SLC9A9: variants seen among roughly 807,000 people sequenced by gnomAD.
The protein encoded by SLC9A9 is solute carrier family 9 member A9.
In SLC9A9, 62 loss-of-function variants were observed where a neutral mutation model predicts 77.8. The ratio of observed to expected loss-of-function variants is 0.80; its 90% CI spans 0.65 to 0.98. The LOEUF is 0.98. Ranked by LOEUF, SLC9A9 falls within the 50% of genes least tolerant of loss-of-function variation. SLC9A9 has a pLI of 0.00. For missense variants in SLC9A9, 775 were observed against 774.9 expected, an observed-to-expected ratio of 1.00 and a Z score of 0.00; for synonymous variants, 320 against 283.5, an observed-to-expected ratio of 1.13 and a Z score of -1.29.
rs145542634 is a variant in SLC9A9, at chr3:143,334,569, G to A, written c.1604+28915C>T. ...GCCTCAGTGTTCTCTTCTGTAAAAC[G>A]GGCTTAGTAGCAACCCTTACCTCAT... On this transcript the variant is annotated intron_variant, in intron 14 of 15. Transcript: ENST00000316549. Among the ~76,000 whole-genome samples the A allele has an allele frequency of 1.4e-3, 211 of 152,218 alleles. 1 individual carries two copies. Among genetic ancestry groups the A allele is most frequent in the African/African-American group, 4.7e-3 (194 of 41,514 alleles).
At chr3:143,723,114 A>T (rs1934546623) in intron 4 of SLC9A9, among the ~76,000 whole-genome samples, 1 of 152,204 alleles carries the variant, frequency 6.6e-6, no homozygotes, top group African/African-American at 2.4e-5. Flanking sequence ...ACCCCTACAG[A>T]TAAGTAAACC....
intron 8 of SLC9A9, among the ~76,000 whole-genome samples, chr3:143,558,907 A>C (rs1349059220): frequency 6.6e-6 from 1 of 152,090 alleles, no homozygotes; most frequent in Non-Finnish European, 1.5e-5. Flanking sequence ...ACCCAAATCT[A>C]ATCTTGACTT....
At chr3:143,725,539 T>C (rs984011564) in intron 4 of SLC9A9, among the ~76,000 whole-genome samples, 5 of 149,256 alleles carry the variant, frequency 3.3e-5, no homozygotes, top group Non-Finnish European at 7.4e-5. Flanking sequence ...ATATACACCA[T>C]GGAATACTAT....
chr3:143,749,691 G>T lies in SLC9A9; in HGVS notation c.533+45310C>A, dbSNP rs560554613. On this transcript the variant is annotated intron_variant, in intron 4 of 15. Transcript: ENST00000316549. The stretch of plus-strand genomic sequence containing the variant: ...TTTAGTTGATTTCCAGGACGAAGTG[G>T]TTCAATAGTTGTTCTGCTTCTTACA... 2.3e-4 allele frequency among the ~76,000 whole-genome samples: 35 copies of T among 152,310 alleles called. No individual in the cohort carries two copies. In the South Asian group the frequency reaches 7.3e-3, roughly 32 times the overall value.
intron 6 of SLC9A9, among the ~76,000 whole-genome samples, chr3:143,587,726 T>C (rs1179313279): frequency 1.3e-5 from 2 of 152,064 alleles, no homozygotes; most frequent in African/African-American, 2.4e-5. Flanking sequence ...TTAGTTACAG[T>C]GGAGGAAGGT....
intron 2 of SLC9A9, among the ~76,000 whole-genome samples, chr3:143,801,426 G>T (rs905383354): frequency 6.6e-6 from 1 of 152,100 alleles, no homozygotes; most frequent in Non-Finnish European, 1.5e-5. Context: ...CACACTTGAT[G>T]CATATACTTT....
intron 4 of SLC9A9, among the ~76,000 whole-genome samples, chr3:143,728,521 G>A (rs1190566822): frequency 6.6e-6 from 1 of 152,138 alleles, no homozygotes; most frequent in Non-Finnish European, 1.5e-5. Flanking sequence ...GCAGTGCCTT[G>A]CCAGTGGTGG....
chr3:143,669,723 C>T (rs572010855), intron 5 of SLC9A9, among the ~76,000 whole-genome samples: 11 of 152,194 alleles, frequency 7.2e-5, no homozygotes, highest in African/African-American at 2.6e-4. Flanking sequence ...CTGATCAGAC[C>T]CCAGCTGTTA....
At chr3:143,521,660 C>T (rs1477790924) in intron 9 of SLC9A9, among the ~76,000 whole-genome samples, 1 of 151,892 alleles carries the variant, frequency 6.6e-6, no homozygotes, top group South Asian at 2.1e-4. Context: ...TCTTATGTCT[C>T]CTCTGTGTAG....
chr3:143,728,409 C>A (rs149714014), intron 4 of SLC9A9, among the ~76,000 whole-genome samples: 1 of 152,076 alleles, frequency 6.6e-6, no homozygotes, highest in Non-Finnish European at 1.5e-5. Context: ...TGGATGGACA[C>A]AGGCCTTGAG....
In SLC9A9 at chr3:143,530,653, CA is replaced by C. The variant is rs376511036; in HGVS notation, c.1089+21708del. On this transcript the variant is annotated intron_variant, in intron 9 of 15. Coordinates refer to ENST00000316549, the MANE Select transcript of SLC9A9 (RefSeq NM_173653.4). The stretch of plus-strand genomic sequence containing the variant: ...CAGAAATCTGAAAAACAAAACAAAA[CA>C]AAACAAACAAACAAACAAACAAAAA... Among the ~76,000 whole-genome samples the C allele has an allele frequency of 2.7e-3, 375 of 137,098 alleles. 2 individuals carry two copies. The highest frequency in any genetic ancestry group is 9.2e-3 in the African/African-American group (350 of 37,962). 89.9% of individuals were successfully genotyped at this position (137,098 alleles called of 152,430 possible).
intron 2 of SLC9A9, among the ~76,000 whole-genome samples, chr3:143,825,931 T>G (rs1177261846): frequency 6.6e-6 from 1 of 152,162 alleles, no homozygotes; most frequent in East Asian, 1.9e-4. Flanking sequence ...AAATTAATGA[T>G]GAAATAGATT....
chr3:143,517,116 G>C, intron 9 of SLC9A9: 1 of 1,527,992 alleles, frequency 6.5e-7, no homozygotes, highest in South Asian at 1.1e-5. Flanking sequence ...TTATCAGAAG[G>C]GCATTACGCT....
At chr3:143,796,971 A>G (rs1181916677) in intron 2 of SLC9A9, 68 bp from the exon 3 acceptor site, 2 of 1,285,334 alleles carry the variant, frequency 1.6e-6, no homozygotes, top group Admixed American at 1.8e-5. Context: ...ACATGTTTCA[A>G]AAAACAGTTG....
intron 5 of SLC9A9, among the ~76,000 whole-genome samples, chr3:143,666,354 T>C (rs991457899): frequency 5.9e-5 from 9 of 152,196 alleles, no homozygotes; most frequent in African/African-American, 2.2e-4. Context: ...AAGAGCTATG[T>C]ATGACAAACC....
chr3:143,833,583 A>G (rs1229179082), intron 1 of SLC9A9, among the ~76,000 whole-genome samples: 1 of 152,120 alleles, frequency 6.6e-6, no homozygotes, highest in Admixed American at 6.5e-5. Context: ...AGCACGTAAG[A>G]GCAGAGACAG....
intron 14 of SLC9A9, among the ~76,000 whole-genome samples, chr3:143,318,974 T>C (rs940732203): frequency 6.6e-6 from 1 of 152,222 alleles, no homozygotes; most frequent in African/African-American, 2.4e-5. Flanking sequence ...GGCAAGTTTC[T>C]TATCTTGACC....
At chr3:143,761,955 T>C (rs1330719539) in intron 4 of SLC9A9, among the ~76,000 whole-genome samples, 1 of 152,114 alleles carries the variant, frequency 6.6e-6, no homozygotes, top group Non-Finnish European at 1.5e-5. Context: ...TGTCCATCAA[T>C]GATAGACTGG....
At chr3:143,714,728 C>T (rs529075229) in intron 4 of SLC9A9, among the ~76,000 whole-genome samples, 4 of 152,314 alleles carry the variant, frequency 2.6e-5, no homozygotes, top group East Asian at 1.9e-4. Context: ...TGGGCTCCAT[C>T]AGTGGATGAA....
Sources: gnomAD v4.1 joint callset for allele counts (sites outside exome capture counted in the v4.1 genomes callset) on GRCh38, gnomAD v4.1.1 for gene constraint, MANE v1.5 for transcripts, NCBI Gene and HGNC (gene_info 2026-07-23, HGNC 2026-07-21) for gene names.